AP3B2: variants seen among roughly 807,000 people sequenced by gnomAD.
AP3B2 encodes the protein adaptor related protein complex 3 subunit beta 2.
In AP3B2, 50 loss-of-function variants were observed where a neutral mutation model predicts 126.9. The observed-to-expected ratio is 0.39, with a 90% confidence interval of 0.31 to 0.50. The LOEUF is 0.50. Ranked by LOEUF, AP3B2 falls within the 20% of genes least tolerant of loss-of-function variation. AP3B2 has a pLI of 0.79. For missense variants in AP3B2, 1,177 were observed against 1,426.4 expected, an observed-to-expected ratio of 0.83 and a Z score of 2.82; for synonymous variants, 541 against 565.0, an observed-to-expected ratio of 0.96 and a Z score of 0.60.
chr15:82,663,079 A>G, intron 22 of AP3B2, 48 bp downstream of exon 22: 13 of 1,532,328 alleles, frequency 8.5e-6, no homozygotes, highest in Non-Finnish European at 1.2e-5. Context: ...GATGCAGCAC[A>G]GGGATGTGTC....
Position 82,676,546 on chromosome 15 carries a change from G to T in AP3B2, c.1580C>A (p.Ala527Asp). 1 of 1,613,962 alleles carries T rather than the reference G, an allele frequency of 6.2e-7. No homozygotes were observed. Among genetic ancestry groups the T allele is most frequent in the Non-Finnish European group, 8.5e-7 (1 of 1,179,902 alleles). Residue 527 changes from alanine (A) to aspartate (D), a missense_variant, in exon 14 of 27, where the codon GCC (alanine) becomes GAC (aspartate). Ala to Asp is a moderately radical substitution (Grantham distance 126). This residue lies in a region of AP3B2 where 308 missense variants were observed against 452.4 expected (regional missense o/e 0.68). Coordinates refer to ENST00000535359, the MANE Select transcript of AP3B2 (RefSeq NM_001278512.2). Reference protein sequence around the residue: ...RIAPDVLRKMAKSFTAEEDIV... With the variant: ...RIAPDVLRKMDKSFTAEEDIV... ...ATCCTCCTCTGCTGTGAATGACTTG[G>T]CCATTTTTCTTAAGACATCAGGTGC...
At chr15:82,698,721 C>T (rs1301490908) in intron 1 of AP3B2, among the ~76,000 whole-genome samples, 1 of 152,016 alleles carries the variant, frequency 6.6e-6, no homozygotes, top group Non-Finnish European at 1.5e-5. Flanking sequence ...GCCAAGTTTG[C>T]CCAATCTCCT....
At chr15:82,671,809 C>T (rs942853271) in intron 14 of AP3B2, among the ~76,000 whole-genome samples, 4 of 151,382 alleles carry the variant, frequency 2.6e-5, no homozygotes, top group Admixed American at 6.6e-5. Flanking sequence ...TTTGGGAGGC[C>T]GAGTCGGGCA....
At chr15:82,696,293 A>ATC (rs2048627529) in intron 1 of AP3B2, among the ~76,000 whole-genome samples, 1 of 152,106 alleles carries the variant, frequency 6.6e-6, no homozygotes, top group Non-Finnish European at 1.5e-5. Context: ...TATTCGAAAT[A>ATC]GAGGCCAGGT....
At position 82,688,776 on chromosome 15, in the gene AP3B2, A is replaced by G; in HGVS notation, c.320T>C (p.Leu107Pro). 2 of 1,613,222 alleles carry G rather than the reference A, an allele frequency of 1.2e-6. No individual in the cohort carries two copies. Among genetic ancestry groups the G allele is most frequent in the Non-Finnish European group, 1.7e-6 (2 of 1,179,594 alleles). ...LVRYAEEQQD[L>P]ALLSISTFQR... ...GAAGGTGGAGATGGACAGCAGGGCCAGGTCTTGCTGCTCCTCAGCGTAGCG... is the reference window on the plus strand; with the variant it reads ...GAAGGTGGAGATGGACAGCAGGGCCGGGTCTTGCTGCTCCTCAGCGTAGCG... The change falls in exon 4 of 27, where the codon CTG (leucine) becomes CCG (proline). Residue 107 changes from leucine (L) to proline (P), a missense_variant. By Grantham distance (98) the Leu-to-Pro change is moderately conservative. Around this residue, in one of 5 missense-constraint regions of AP3B2, gnomAD observed 130 missense variants for 262.0 expected, o/e 0.50. Coordinates refer to ENST00000535359, the MANE Select transcript of AP3B2 (RefSeq NM_001278512.2).
intron 14 of AP3B2, among the ~76,000 whole-genome samples, chr15:82,667,756 T>G (rs2048084752): frequency 6.6e-6 from 1 of 152,180 alleles, no homozygotes; most frequent in African/African-American, 2.4e-5. Flanking sequence ...GCCCCCATTT[T>G]ACAGAAAAGA....
intron 1 of AP3B2, among the ~76,000 whole-genome samples, chr15:82,693,754 G>A (rs1162023166): frequency 5.3e-5 from 8 of 152,146 alleles, no homozygotes; most frequent in Non-Finnish European, 1.2e-4. Context: ...AGGCTGGAGT[G>A]CAATGGTGCC....
chr15:82,693,265 A>G (rs1022452273), intron 1 of AP3B2, among the ~76,000 whole-genome samples: 3 of 117,688 alleles, frequency 2.5e-5, no homozygotes, highest in Non-Finnish European at 4.9e-5. Flanking sequence ...TTTTTTTTTT[A>G]GATGGAATTT....
intron 1 of AP3B2, among the ~76,000 whole-genome samples, chr15:82,695,888 A>G (rs1220351250): frequency 6.6e-6 from 1 of 152,124 alleles, no homozygotes; most frequent in Non-Finnish European, 1.5e-5. Flanking sequence ...TGAATTAGAG[A>G]ACACCCAGTT....
At chr15:82,688,400 A>G in intron 4 of AP3B2, 1 of 702,032 alleles carries the variant, frequency 1.4e-6, no homozygotes. Context: ...ACCTTTACAC[A>G]AAGGGGGGTG....
intron 1 of AP3B2, among the ~76,000 whole-genome samples, chr15:82,694,987 T>G (rs2048609517): frequency 6.6e-6 from 1 of 152,216 alleles, no homozygotes; most frequent in Admixed American, 6.5e-5. Context: ...CTAAGACCTT[T>G]ATAACTTCCT....
chr15:82,705,700 T>C (rs567185085), intron 1 of AP3B2, among the ~76,000 whole-genome samples: 1 of 152,172 alleles, frequency 6.6e-6, no homozygotes, highest in Non-Finnish European at 1.5e-5. Flanking sequence ...ATAGTTCTCA[T>C]GAAAACACAC....
At chr15:82,668,320 A>G (rs1401670674) in intron 14 of AP3B2, among the ~76,000 whole-genome samples, 1 of 152,218 alleles carries the variant, frequency 6.6e-6, no homozygotes, top group East Asian at 1.9e-4. Flanking sequence ...CCGCTAATAG[A>G]ATAGACTTAA....
At chr15:82,675,676 T>C (rs1294925023) in intron 14 of AP3B2, among the ~76,000 whole-genome samples, 1 of 152,218 alleles carries the variant, frequency 6.6e-6, no homozygotes, top group Non-Finnish European at 1.5e-5. Context: ...AAAGCAGCCA[T>C]AGGTAATTTG....
intron 4 of AP3B2, among the ~76,000 whole-genome samples, chr15:82,683,911 GTAA>G (rs1943345450): frequency 6.6e-6 from 1 of 152,200 alleles, no homozygotes; most frequent in Non-Finnish European, 1.5e-5. Flanking sequence ...TCAATGAGCA[GTAA>G]TATTATGAAA....
chr15:82,667,033 CCT>C, intron 14 of AP3B2, 100 bp from the exon 15 acceptor site: 1 of 1,248,856 alleles, frequency 8.0e-7, no homozygotes, highest in Non-Finnish European at 1.1e-6. Context: ...CAGAACGTCT[CCT>C]CTCCCTGCTT....
In AP3B2 at chr15:82,689,453, C is replaced by G; in HGVS notation, c.114G>C (p.Arg38=). Reference sequence around the variant, plus strand: ...CCAGCATCTCCTTCAGGTCATCATGCCTGGTGGGAGGTACAAGAAGTCAGC... The same window carrying G: ...CCAGCATCTCCTTCAGGTCATCATGGCTGGTGGGAGGTACAAGAAGTCAGC... The part of the protein sequence containing the change: ...SGGIFSSDYK[R]HDDLKEMLDT... The change falls in exon 2 of 27, where the codon CGG becomes CGC. Residue 38 remains arginine (R), a splice_region_variant and synonymous_variant. Coordinates refer to ENST00000535359, the MANE Select transcript of AP3B2 (RefSeq NM_001278512.2). 6.2e-7 allele frequency: 1 copy of G among 1,613,168 alleles called. No homozygotes were observed. Among genetic ancestry groups the G allele is most frequent in the Non-Finnish European group, 8.5e-7 (1 of 1,179,614 alleles).
chr15:82,665,603 G>T lies in AP3B2; in HGVS notation c.1853-28C>A, dbSNP rs771158193. The T allele has an allele frequency of 1.9e-6, 3 of 1,558,140 alleles. No individual in the cohort carries two copies. The East Asian group carries it at 6.8e-5, about 35-fold the overall frequency. On this transcript the variant is annotated intron_variant, in intron 15 of 26. Coordinates refer to ENST00000535359, the MANE Select transcript of AP3B2 (RefSeq NM_001278512.2). This position sits in a 1 kb window ranked among gnomAD's most constrained non-coding sequence, Gnocchi z 4.4. ...AGGGATAGGTTTAGAGGTCAGGCAG[G>T]TAGCAGCAGTGAGGGAAAGCTCTGG...
At position 82,664,221 on chromosome 15, in the gene AP3B2, A is replaced by G. The variant is rs2048010204; in HGVS notation, c.2261+146T>C. ...CCTCAGAGATCTCCTGCAGCCAGCG[A>G]AAGTAGGCGTCATGTGAGCTGACAG... On this transcript the variant is annotated intron_variant, in intron 19 of 26. Transcript: ENST00000535359. The surrounding 1 kb of genome is among the most constrained non-coding windows in gnomAD (Gnocchi z 4.5). 7.3e-7 allele frequency: 1 copy of G among 1,368,742 alleles called. No individual in the cohort carries two copies. The allele number at this position is 1,368,742 out of a possible 1,614,324, so 84.8% of individuals were successfully genotyped here.
Sources: allele counts gnomAD v4.1 joint callset (sites outside exome capture counted in the v4.1 genomes callset), GRCh38; gene constraint gnomAD v4.1.1; regional missense constraint gnomAD v4.1.1; non-coding constraint Gnocchi (gnomAD v3.1); transcripts MANE v1.5; gene names NCBI Gene and HGNC (gene_info 2026-07-23, HGNC 2026-07-21).